UBE2R2: variants seen among roughly 807,000 people sequenced by gnomAD.
UBE2R2 encodes the protein ubiquitin conjugating enzyme E2 R2.
UBE2R2 carries 1 observed loss-of-function variant against 27.8 expected under a neutral mutation model. The ratio of observed to expected loss-of-function variants is 0.04; its 90% CI spans 0.01 to 0.17. The LOEUF (loss-of-function observed/expected upper bound fraction) is 0.17, where lower values mean the gene tolerates loss of function less well. Among genes scored for constraint, UBE2R2 ranks in the 10% least tolerant of loss-of-function variants. The probability of loss-of-function intolerance (pLI) is 1.00; values close to 1 mark genes in which losing one functional copy is unlikely to be tolerated. For missense variants in UBE2R2, 100 were observed against 291.0 expected (o/e 0.34, Z 4.78); for synonymous variants, 106 against 113.3 (o/e 0.94, Z 0.41).
At chr9:33,893,226 C>G (rs1822027339) in intron 2 of UBE2R2, among the ~76,000 whole-genome samples, 1 of 152,178 alleles carries the variant, frequency 6.6e-6, no homozygotes, top group Non-Finnish European at 1.5e-5. Context: ...TCTCTCCGTT[C>G]CCATGTTCCC....
intron 1 of UBE2R2, among the ~76,000 whole-genome samples, chr9:33,833,588 CA>C (rs1460918496): frequency 6.6e-6 from 1 of 152,208 alleles, no homozygotes; most frequent in Non-Finnish European, 1.5e-5. Context: ...ATTTAAACTC[CA>C]TCTGTCACTT....
At chr9:33,818,573 C>G (rs1305667766) in intron 1 of UBE2R2, 1 of 147,150 alleles carries the variant, frequency 6.8e-6, no homozygotes, top group Non-Finnish European at 1.5e-5. Flanking sequence ...GTCGTCTTGT[C>G]ATTATCCATT....
chr9:33,884,022 G>A (rs1237091551), intron 1 of UBE2R2, among the ~76,000 whole-genome samples: 1 of 151,920 alleles, frequency 6.6e-6, no homozygotes, highest in Non-Finnish European at 1.5e-5. Flanking sequence ...GCTGGGCTTG[G>A]AGATGCATGC....
chr9:33,838,438 C>T (rs1820662274), intron 1 of UBE2R2, among the ~76,000 whole-genome samples: 1 of 151,462 alleles, frequency 6.6e-6, no homozygotes, highest in Non-Finnish European at 1.5e-5. Context: ...GTTTTCTTCA[C>T]GTTGAGTTGT....
chr9:33,894,959 C>G (rs1394390661), intron 2 of UBE2R2, among the ~76,000 whole-genome samples: 1 of 152,174 alleles, frequency 6.6e-6, no homozygotes, highest in Non-Finnish European at 1.5e-5. Context: ...CTCAGCCTCC[C>G]ACAGTGGTGG....
intron 3 of UBE2R2, among the ~76,000 whole-genome samples, chr9:33,906,105 C>CT (rs1822350267): frequency 3.6e-5 from 5 of 138,394 alleles, no homozygotes; most frequent in Non-Finnish European, 6.5e-5. Context: ...TCGTCGTCGT[C>CT]GTTGTTGCTG....
chr9:33,903,577 A>C (rs990093044), intron 3 of UBE2R2, among the ~76,000 whole-genome samples: 6 of 152,222 alleles, frequency 3.9e-5, no homozygotes, highest in African/African-American at 1.4e-4. Context: ...TTACACGCAA[A>C]TGATGTCATT....
rs1587488572 is a variant in UBE2R2 at position 33,917,258 on chromosome 9, G to A, written c.*21G>A. 5.0e-6 allele frequency: 8 copies of A among 1,612,500 alleles called. No homozygotes were observed. The Admixed American group carries it at 5.0e-5, about 10-fold the overall frequency. ...CGTGACGTGCTCCTTCAGTGCCCCT[G>A]TACTGCCCTGCCATCTCAGGCCAAA... On this transcript the variant is annotated 3_prime_UTR_variant, in exon 5 of 5. Coordinates refer to ENST00000263228, the MANE Select transcript of UBE2R2 (RefSeq NM_017811.4).
chr9:33,893,421 T>C, intron 2 of UBE2R2, among the ~76,000 whole-genome samples: 1 of 152,202 alleles, frequency 6.6e-6, no homozygotes, highest in East Asian at 1.9e-4. Flanking sequence ...GGCTGAAGAA[T>C]ATTGCATTAT....
chr9:33,844,515 ATTTTTT>A (rs34578523), intron 1 of UBE2R2, among the ~76,000 whole-genome samples: 5 of 110,170 alleles, frequency 4.5e-5, no homozygotes, highest in Non-Finnish European at 5.3e-5. Flanking sequence ...TCCCACATCT[ATTTTTT>A]TTTTTTTTTT....
intron 1 of UBE2R2, among the ~76,000 whole-genome samples, chr9:33,863,715 CGTT>C (rs1587453697): frequency 2.0e-5 from 3 of 151,994 alleles, no homozygotes; most frequent in Admixed American, 1.3e-4. Context: ...GATAGAATCT[CGTT>C]GTGTCATTCA....
chr9:33,827,436 T>G (rs1820339099), intron 1 of UBE2R2, among the ~76,000 whole-genome samples: 1 of 151,950 alleles, frequency 6.6e-6, no homozygotes, highest in African/African-American at 2.4e-5. Context: ...AGATTAGGAG[T>G]TCGGCACCAG....
intron 3 of UBE2R2, among the ~76,000 whole-genome samples, chr9:33,910,283 G>A (rs1435099846): frequency 1.3e-5 from 2 of 152,044 alleles, no homozygotes; most frequent in East Asian, 3.8e-4. Flanking sequence ...CGAGTAGCTG[G>A]GATTACAGGC....
intron 1 of UBE2R2, among the ~76,000 whole-genome samples, chr9:33,832,574 G>C (rs976376754): frequency 6.6e-6 from 1 of 150,968 alleles, no homozygotes; most frequent in Non-Finnish European, 1.5e-5. Flanking sequence ...GGAGAATGAC[G>C]TCAACCTGGG....
At chr9:33,872,334 A>T (rs1821504016) in intron 1 of UBE2R2, among the ~76,000 whole-genome samples, 1 of 152,064 alleles carries the variant, frequency 6.6e-6, no homozygotes, top group Non-Finnish European at 1.5e-5. Flanking sequence ...TTGAGGCTGC[A>T]GTGAGCTGTG....
At chr9:33,865,835 GTT>G (rs1266518240) in intron 1 of UBE2R2, among the ~76,000 whole-genome samples, 3 of 137,014 alleles carry the variant, frequency 2.2e-5, no homozygotes, top group Non-Finnish European at 3.2e-5. Context: ...GTTTTTTTTT[GTT>G]TTTTTTTTTT....
At chr9:33,844,274 C>T (rs573039199) in intron 1 of UBE2R2, among the ~76,000 whole-genome samples, 38 of 152,050 alleles carry the variant, frequency 2.5e-4, no homozygotes, top group African/African-American at 8.4e-4. Flanking sequence ...GCGCGATCTC[C>T]GCTGACTGCA....
At chr9:33,857,109 TG>T (rs1821124397) in intron 1 of UBE2R2, among the ~76,000 whole-genome samples, 1 of 151,796 alleles carries the variant, frequency 6.6e-6, no homozygotes, top group South Asian at 2.1e-4. Flanking sequence ...GTTGGCAGGC[TG>T]GTCTCTAACT....
Position 33,917,226 on chromosome 9 carries a change from G to A in UBE2R2, c.706G>A (p.Glu236Lys). ...DCYDDDDSGN[E>K]ES ...TTATGATGATGATGATTCTGGGAAT[G>A]AGGAGTCGTGACGTGCTCCTTCAGT... The change falls in exon 5 of 5, where the codon GAG (glutamate) becomes AAG (lysine). Residue 236 changes from glutamate (E) to lysine (K), a missense_variant. By Grantham distance (56) the Glu-to-Lys change is moderately conservative (BLOSUM62 1). Coordinates refer to ENST00000263228, the MANE Select transcript of UBE2R2 (RefSeq NM_017811.4). The A allele has an allele frequency of 6.2e-7, 1 of 1,614,176 alleles. No homozygotes were observed. Among genetic ancestry groups the A allele is most frequent in the Non-Finnish European group, 8.5e-7 (1 of 1,180,048 alleles).
Sources: allele counts gnomAD v4.1 joint callset (sites outside exome capture counted in the v4.1 genomes callset), GRCh38; gene constraint gnomAD v4.1.1; transcripts MANE v1.5; gene names NCBI Gene and HGNC (gene_info 2026-07-23, HGNC 2026-07-21).